WDR7: variants seen among roughly 807,000 people sequenced by gnomAD.
WDR7 encodes WD repeat domain 7.
A neutral mutation model predicts 169.4 loss-of-function variants in WDR7; 46 were observed. The observed-to-expected ratio is 0.27, with a 90% CI of 0.21 to 0.35. WDR7 has a LOEUF of 0.35. Among genes scored for constraint, WDR7 ranks in the 10% least tolerant of loss-of-function variants. The pLI, the probability that WDR7 is intolerant of heterozygous loss-of-function variation, is 1.00. For synonymous variants in WDR7, 612 were observed against 666.8 expected, an observed-to-expected ratio of 0.92 and a Z score of 1.27; for missense variants, 1,534 against 1,859.3, an observed-to-expected ratio of 0.83 and a Z score of 3.22.
At chr18:56,775,750 T>C (rs2044232204) in intron 16 of WDR7, among the ~76,000 whole-genome samples, 1 of 152,168 alleles carries the variant, frequency 6.6e-6, no homozygotes, top group African/African-American at 2.4e-5. Flanking sequence ...GACATTATGA[T>C]GCATTCGTGT....
intron 14 of WDR7, among the ~76,000 whole-genome samples, chr18:56,754,319 ATG>A (rs950525030): frequency 2.7e-5 from 4 of 147,050 alleles, no homozygotes; most frequent in South Asian, 4.3e-4. Context: ...ATACATATAT[ATG>A]TGTGTATATA....
chr18:57,002,826 A>T (rs1426139334), intron 26 of WDR7, among the ~76,000 whole-genome samples: 1 of 152,152 alleles, frequency 6.6e-6, no homozygotes, highest in African/African-American at 2.4e-5. Context: ...GCCTCCTAAC[A>T]AATGAGAGGC....
intron 26 of WDR7, among the ~76,000 whole-genome samples, chr18:56,967,791 G>C (rs1355768114): frequency 6.6e-6 from 1 of 152,156 alleles, no homozygotes; most frequent in Non-Finnish European, 1.5e-5. Flanking sequence ...GATATAAAAT[G>C]GTGAGGCATT....
At chr18:56,687,203 T>C (rs2025460386) in intron 7 of WDR7, among the ~76,000 whole-genome samples, 1 of 152,200 alleles carries the variant, frequency 6.6e-6, no homozygotes, top group African/African-American at 2.4e-5. Context: ...ATTTCATTGG[T>C]CTTAATTTCT....
intron 21 of WDR7, among the ~76,000 whole-genome samples, chr18:56,895,488 A>AT (rs59350751): frequency 6.6e-6 from 1 of 151,240 alleles, no homozygotes; most frequent in Non-Finnish European, 1.5e-5. Context: ...TTTTTTAAAA[A>AT]TTTTTTTTAC....
At chr18:56,946,457 G>A (rs2047104382) in intron 25 of WDR7, among the ~76,000 whole-genome samples, 1 of 152,134 alleles carries the variant, frequency 6.6e-6, no homozygotes, top group Non-Finnish European at 1.5e-5. Flanking sequence ...GGTTTTGTTT[G>A]TTTGTGTTTG....
chr18:56,725,259 C>T (rs934276380), intron 13 of WDR7, among the ~76,000 whole-genome samples: 16 of 150,906 alleles, frequency 1.1e-4, no homozygotes, highest in Non-Finnish European at 1.5e-5. Context: ...AACTAGTTTA[C>T]AGTCCCCCAA....
At chr18:56,874,566 G>A (rs1387684716) in intron 20 of WDR7, among the ~76,000 whole-genome samples, 1 of 151,682 alleles carries the variant, frequency 6.6e-6, no homozygotes, top group Non-Finnish European at 1.5e-5. Flanking sequence ...AACATTGGAG[G>A]GGCATCATTA....
At chr18:56,691,630 C>T in intron 8 of WDR7, 85 bp from the exon 9 acceptor site, 1 of 1,136,832 alleles carries the variant, frequency 8.8e-7, no homozygotes, top group Non-Finnish European at 1.2e-6. Context: ...CCTTTTTGTC[C>T]AATACCAACA....
At chr18:56,788,919 CAGAA>C (rs1234056649) in intron 19 of WDR7, among the ~76,000 whole-genome samples, 1 of 152,110 alleles carries the variant, frequency 6.6e-6, no homozygotes, top group Non-Finnish European at 1.5e-5. Flanking sequence ...TATTGTGAGG[CAGAA>C]AGAGTTTGTC....
chr18:56,888,671 G>T (rs1363533545), intron 21 of WDR7, among the ~76,000 whole-genome samples: 1 of 152,072 alleles, frequency 6.6e-6, no homozygotes, highest in African/African-American at 2.4e-5. Flanking sequence ...AGGTCTTTTG[G>T]TTCATTCTTT....
chr18:56,698,963 C>T (rs1460289285), intron 12 of WDR7, among the ~76,000 whole-genome samples: 2 of 152,068 alleles, frequency 1.3e-5, no homozygotes, highest in Non-Finnish European at 2.9e-5. Flanking sequence ...ATCTGTACAA[C>T]AAACCCCCAT....
At chr18:56,830,567 C>G (rs2145279166) in intron 20 of WDR7, among the ~76,000 whole-genome samples, 1 of 152,348 alleles carries the variant, frequency 6.6e-6, no homozygotes, top group Non-Finnish European at 1.5e-5. Flanking sequence ...GGTGCTACCT[C>G]TAGATCACCT....
intron 26 of WDR7, among the ~76,000 whole-genome samples, chr18:57,003,152 TAC>T (rs1012162062): frequency 3.9e-5 from 6 of 152,148 alleles, no homozygotes; most frequent in African/African-American, 9.7e-5. Context: ...ATAGATTTAT[TAC>T]AGTGTCCACA....
intron 20 of WDR7, among the ~76,000 whole-genome samples, chr18:56,856,925 A>C (rs2045730207): frequency 6.6e-6 from 1 of 152,168 alleles, no homozygotes; most frequent in African/African-American, 2.4e-5. Context: ...ATTATGTTTA[A>C]AATATTATGT....
chr18:56,883,209 C>CAA (rs767585796), intron 21 of WDR7, among the ~76,000 whole-genome samples: 25 of 55,240 alleles, frequency 4.5e-4, no homozygotes, highest in African/African-American at 7.7e-4. Flanking sequence ...GACTCCGTCT[C>CAA]AAAAAAAAAA....
intron 25 of WDR7, among the ~76,000 whole-genome samples, chr18:56,943,406 T>C (rs1019728229): frequency 1.2e-4 from 19 of 152,258 alleles, no homozygotes; most frequent in Admixed American, 6.5e-4. Flanking sequence ...TATCTTAGAC[T>C]AACCTCTTTA....
intron 19 of WDR7, chr18:56,782,109 G>C (rs562983625): frequency 8.2e-4 from 125 of 152,344 alleles, no homozygotes; most frequent in Non-Finnish European, 1.5e-3. Flanking sequence ...TATTTACAAA[G>C]AGAAAATTGG....
At chr18:57,026,832 G>A (rs1342626472) in intron 27 of WDR7, among the ~76,000 whole-genome samples, 172 bp from the exon 28 acceptor site, 6 of 152,208 alleles carry the variant, frequency 3.9e-5, no homozygotes, top group South Asian at 2.1e-4. Flanking sequence ...TAACAGCATC[G>A]GAACAATTCC....
Sources: gnomAD v4.1 joint callset for allele counts (sites outside exome capture counted in the v4.1 genomes callset) on GRCh38, gnomAD v4.1.1 for gene constraint, MANE v1.5 for transcripts, NCBI Gene and HGNC (gene_info 2026-07-23, HGNC 2026-07-21) for gene names.